Variants in TFB1M observed in about 807,000 individuals in gnomAD.
TFB1M encodes the protein dimethyladenosine transferase 1, mitochondrial.
In TFB1M, 27 loss-of-function variants were observed where a neutral mutation model predicts 31.1. The ratio of observed to expected loss-of-function variants is 0.87; its 90% CI spans 0.64 to 1.20. The LOEUF (loss-of-function observed/expected upper bound fraction) is 1.20. Ranked by LOEUF, TFB1M falls within the 50% of genes most tolerant of loss-of-function variation. The pLI is 0.00. For missense variants in TFB1M, 394 were observed against 418.7 expected (o/e 0.94, Z 0.51); for synonymous variants, 166 against 151.8 (o/e 1.09, Z -0.69).
chr6:155,268,538 T>C (rs1784766229), intron 5 of TFB1M, among the ~76,000 whole-genome samples: 1 of 152,170 alleles, frequency 6.6e-6, no homozygotes, highest in African/African-American at 2.4e-5. Flanking sequence ...AGAAAGACAA[T>C]AAAAGCCTAC....
chr6:155,304,886 C>A (rs947492105), intron 2 of TFB1M, among the ~76,000 whole-genome samples: 1 of 151,008 alleles, frequency 6.6e-6, no homozygotes, highest in African/African-American at 2.4e-5. Flanking sequence ...ATAAATAGAA[C>A]AGAATTGGAA....
At chr6:155,250,921 A>G in the TFB1M span, 1 of 1,614,180 alleles carries the variant, frequency 6.2e-7, no homozygotes, top group Non-Finnish European at 8.5e-7. Flanking sequence ...AGGTAACAGA[A>G]CTTTCGATGG....
intron 4 of TFB1M, among the ~76,000 whole-genome samples, chr6:155,290,794 T>C (rs1776888616): frequency 6.6e-6 from 1 of 152,210 alleles, no homozygotes; most frequent in African/African-American, 2.4e-5. Context: ...TCATGTCGGC[T>C]GAGAAAAATA....
intron 4 of TFB1M, among the ~76,000 whole-genome samples, chr6:155,294,851 A>G (rs162966): frequency 0.71 from 108,093 of 152,076 alleles, 38,812 homozygotes; most frequent in East Asian, 0.98. Context: ...GGATGTTTAC[A>G]ACAGTTTTGT....
At chr6:155,237,554 G>A in the TFB1M span, among the ~76,000 whole-genome samples, 1 of 152,204 alleles carries the variant, frequency 6.6e-6, no homozygotes, top group African/African-American at 2.4e-5. Flanking sequence ...TGAGAGCCCT[G>A]CCCCTGCAGC....
chr6:155,303,276 C>T (rs1191648765), intron 2 of TFB1M: 1 of 152,194 alleles, frequency 6.6e-6, no homozygotes, highest in Non-Finnish European at 1.5e-5. Context: ...AAATTTCACC[C>T]TTTTCTTGAT....
At chr6:155,240,499 G>A in the TFB1M span, 1 of 1,580,908 alleles carries the variant, frequency 6.3e-7, no homozygotes, top group Non-Finnish European at 8.6e-7. Flanking sequence ...AGAGGCCCGT[G>A]CATTATTTTC....
At chr6:155,281,091 ATAC>A (rs1385217391) in intron 5 of TFB1M, among the ~76,000 whole-genome samples, 4 of 149,624 alleles carry the variant, frequency 2.7e-5, no homozygotes, top group East Asian at 1.9e-4. Flanking sequence ...TTATATCAGA[ATAC>A]TACAACTTAG....
chr6:155,238,778 A>G, the TFB1M span, among the ~76,000 whole-genome samples: 7,760 of 152,298 alleles, frequency 0.051, 273 homozygotes, highest in East Asian at 0.19. Flanking sequence ...GCCTTAGGCT[A>G]TGCTTTGGGG....
Position 155,256,641 on chromosome 6 carries a change from G to C in TFB1M, c.*1195C>G, listed in dbSNP as rs768530445. The C allele has an allele frequency of 1.2e-6, 2 of 1,614,174 alleles. No individual in the cohort carries two copies. The highest frequency in any genetic ancestry group is 1.1e-5 in the South Asian group (1 of 91,088). On this transcript the variant is annotated 3_prime_UTR_variant, in exon 7 of 7. Transcript: ENST00000367166. ...CGGCTGAGGGCAGGCAGGACTCCAA[G>C]AGCACTTCTCCCGGGAAATACCCAC...
chr6:155,296,211 A>G (rs1433257650), intron 4 of TFB1M, among the ~76,000 whole-genome samples: 1 of 152,018 alleles, frequency 6.6e-6, no homozygotes, highest in Non-Finnish European at 1.5e-5. Context: ...CTGAATAATG[A>G]GACCCTCAAT....
chr6:155,274,164 T>A (rs1785064180), intron 5 of TFB1M, among the ~76,000 whole-genome samples: 1 of 152,204 alleles, frequency 6.6e-6, no homozygotes, highest in African/African-American at 2.4e-5. Context: ...AGAGCCTGTA[T>A]CACCTTTTGT....
chr6:155,274,744 T>A (rs1785089374), intron 5 of TFB1M, among the ~76,000 whole-genome samples: 1 of 152,242 alleles, frequency 6.6e-6, no homozygotes, highest in Admixed American at 6.5e-5. Context: ...TTTCCACTGC[T>A]GTCCTTCCTC....
chr6:155,295,836 T>G (rs746830201), intron 4 of TFB1M, among the ~76,000 whole-genome samples: 5 of 152,212 alleles, frequency 3.3e-5, no homozygotes, highest in African/African-American at 1.2e-4. Context: ...TCTTAGGTAT[T>G]ACAAATAATG....
rs773674754 is a variant in TFB1M at position 155,257,053 on chromosome 6, G to A, written c.*783C>T. On this transcript the variant is annotated 3_prime_UTR_variant, in exon 7 of 7. Transcript: ENST00000367166. The stretch of plus-strand genomic sequence containing the variant: ...TTCTGTTCTAGAGCGAGAATTCAGT[G>A]TCCAGAGTTTAACATCTGTTGTCAG... 6.8e-6 allele frequency: 11 copies of A among 1,614,050 alleles called. No homozygotes were observed. The Admixed American group carries it at 1.5e-4, about 22-fold the overall frequency.
chr6:155,284,000 T>C (rs551277623), intron 5 of TFB1M, among the ~76,000 whole-genome samples: 6 of 152,230 alleles, frequency 3.9e-5, no homozygotes, highest in South Asian at 2.1e-4. Context: ...TCATTCGCAA[T>C]GTCTCTGAAG....
rs529869823 is a variant in TFB1M at position 155,284,637 on chromosome 6, G to A, written c.666+521C>T. Among the ~76,000 whole-genome samples the A allele has an allele frequency of 2.2e-4, 33 of 152,258 alleles. No individual in the cohort carries two copies. In the South Asian group the frequency reaches 6.6e-3, roughly 31 times the overall value. On this transcript the variant is annotated intron_variant, in intron 5 of 6. Transcript: ENST00000367166. ...TTTTTGGCAGAGAAACTCTGTTTCT[G>A]TAACTAGCACTTACTCACATAACTA... is the stretch of plus-strand genomic sequence containing the variant.
chr6:155,248,002 A>G, the TFB1M span: 3 of 1,613,906 alleles, frequency 1.9e-6, no homozygotes, highest in Non-Finnish European at 1.7e-6. Context: ...GCTTGTAGCT[A>G]AAACTGACAA....
chr6:155,249,235 C>T, the TFB1M span, among the ~76,000 whole-genome samples: 1 of 152,196 alleles, frequency 6.6e-6, no homozygotes, highest in Non-Finnish European at 1.5e-5. Context: ...ATGTATCTCT[C>T]ATATTCCCTC....
Sources: allele counts gnomAD v4.1 joint callset (sites outside exome capture counted in the v4.1 genomes callset), GRCh38; gene constraint gnomAD v4.1.1; transcripts MANE v1.5; gene names NCBI Gene and HGNC (gene_info 2026-07-23, HGNC 2026-07-21).